Variants in LRRC4B observed in about 807,000 individuals in gnomAD.
LRRC4B encodes leucine rich repeat containing 4B, also known as leucine-rich repeat-containing protein 4B.
In LRRC4B, 1 loss-of-function variant was observed where a neutral mutation model predicts 7.3. That is an observed-to-expected ratio of 0.14 (90% CI 0.05 to 0.65). LRRC4B has a LOEUF of 0.65. Among genes scored for constraint, LRRC4B ranks in the 30% least tolerant of loss-of-function variants. The pLI, the probability that LRRC4B is intolerant of heterozygous loss-of-function variation, is 0.84. For missense variants in LRRC4B, 730 were observed against 1,041.6 expected, an observed-to-expected ratio of 0.70 and a Z score of 4.12; for synonymous variants, 500 against 499.2, an observed-to-expected ratio of 1.00 and a Z score of -0.02.
At chr19:50,520,908 G>A (rs528642257) in intron 2 of LRRC4B, among the ~76,000 whole-genome samples, 1 of 152,322 alleles carries the variant, frequency 6.6e-6, no homozygotes, top group South Asian at 2.1e-4. Context: ...CAAGAGAAAT[G>A]AAGGCAGATG....
chr19:50,551,743 T>G (rs1251800784), intron 1 of LRRC4B, among the ~76,000 whole-genome samples: 2 of 151,458 alleles, frequency 1.3e-5, no homozygotes, highest in African/African-American at 4.9e-5. Context: ...TCAGGTTGTC[T>G]GTCTGTCCGT....
chr19:50,557,318 C>T (rs1982310745), intron 1 of LRRC4B, among the ~76,000 whole-genome samples: 1 of 152,134 alleles, frequency 6.6e-6, no homozygotes, highest in Non-Finnish European at 1.5e-5. Context: ...CTGCCACAGG[C>T]CCCCCAGCCC....
intron 2 of LRRC4B, among the ~76,000 whole-genome samples, chr19:50,527,253 C>T (rs891708727): frequency 1.5e-4 from 22 of 150,990 alleles, no homozygotes; most frequent in African/African-American, 5.1e-4. Flanking sequence ...AGGACGGTCT[C>T]GATCTCCTGA....
At chr19:50,532,197 C>T (rs768411809) in intron 2 of LRRC4B, among the ~76,000 whole-genome samples, 5 of 152,200 alleles carry the variant, frequency 3.3e-5, no homozygotes, top group Non-Finnish European at 5.9e-5. Flanking sequence ...AATTGCACCA[C>T]TGCACTCCAG....
At chr19:50,535,076 G>C (rs531553787) in intron 2 of LRRC4B, among the ~76,000 whole-genome samples, 1 of 152,024 alleles carries the variant, frequency 6.6e-6, no homozygotes, top group Non-Finnish European at 1.5e-5. Flanking sequence ...CACTGTGTTA[G>C]CCAGGATGGT....
Position 50,548,929 on chromosome 19 carries a change from G to GC in LRRC4B, c.-35-57dup, listed in dbSNP as rs1215197422. 9.1e-6 allele frequency: 9 copies of GC among 983,894 alleles called. No individual in the cohort carries two copies. Among genetic ancestry groups the GC allele is most frequent in the African/African-American group, 1.7e-5 (1 of 60,594 alleles). 60.9% of individuals were successfully genotyped at this position (983,894 alleles called of 1,614,324 possible). A position where few individuals can be genotyped will look rare whatever the true frequency, so the allele number is the denominator to read the frequency against. On this transcript the variant is annotated intron_variant, in intron 1 of 2. Coordinates refer to ENST00000652263, the MANE Select transcript of LRRC4B (RefSeq NM_001080457.2). The surrounding 1 kb of genome is among the most constrained non-coding windows in gnomAD (Gnocchi z 6.8). ...TTGGTGAGGGACAGGAGCCCATGTG[G>GC]CCTGGGTGCTTGCCAACACCCAGGC...
At position 50,517,809 on chromosome 19, in the gene LRRC4B, G is replaced by GCGGCGGCCA. The variant is rs755715897; in HGVS notation, c.1895_1903dup (p.Val632_Ala634dup). 1.3e-6 allele frequency: 2 copies of GCGGCGGCCA among 1,551,870 alleles called. No individual in the cohort carries two copies. The highest frequency in any genetic ancestry group is 2.8e-5 in the African/African-American group (2 of 71,694). ...ACCACCCCCACTGGCCACGGCGGCC[G>GCGGCGGCCA]CGGCGGCCACGGACACGGCCGAGGC... On this transcript the variant is annotated inframe_insertion, in exon 3 of 3. Coordinates refer to ENST00000652263, the MANE Select transcript of LRRC4B (RefSeq NM_001080457.2). This position sits in a 1 kb window ranked among gnomAD's most constrained non-coding sequence, Gnocchi z 6.6.
intron 2 of LRRC4B, among the ~76,000 whole-genome samples, chr19:50,544,382 C>G (rs971034417): frequency 2.6e-5 from 4 of 151,820 alleles, no homozygotes; most frequent in African/African-American, 9.7e-5. Flanking sequence ...TGGCGGGCAC[C>G]TGTAGTCCCA....
At chr19:50,549,365 G>A (rs1981956140) in intron 1 of LRRC4B, among the ~76,000 whole-genome samples, 1 of 152,160 alleles carries the variant, frequency 6.6e-6, no homozygotes, top group African/African-American at 2.4e-5. Context: ...TGCCACCTGC[G>A]TGATCACCTG....
At position 50,517,226 on chromosome 19, in the gene LRRC4B, A is replaced by T. The variant is rs1288808244; in HGVS notation, c.*345T>A. 4.8e-6 allele frequency: 1 copy of T among 208,344 alleles called. No individual in the cohort carries two copies. Among genetic ancestry groups the T allele is most frequent in the African/African-American group, 2.3e-5 (1 of 43,714 alleles). The allele number at this position is 208,344 out of a possible 1,614,324, so 12.9% of individuals were successfully genotyped here. On this transcript the variant is annotated 3_prime_UTR_variant, in exon 3 of 3. Coordinates refer to ENST00000652263, the MANE Select transcript of LRRC4B (RefSeq NM_001080457.2). This position sits in a 1 kb window ranked among gnomAD's most constrained non-coding sequence, Gnocchi z 6.6. The stretch of plus-strand genomic sequence containing the variant: ...GAGGGGAAAGGACACCCCTGGAGAA[A>T]GCTCCTCTCTCCCCTGGAAGGCGGC...
intron 1 of LRRC4B, among the ~76,000 whole-genome samples, chr19:50,557,463 G>A (rs898731364): frequency 9.2e-5 from 14 of 152,208 alleles, no homozygotes; most frequent in African/African-American, 3.4e-4. Context: ...CCTCTCTGAT[G>A]ATGCTGCATG....
chr19:50,551,514 C>CG (rs1982065234), intron 1 of LRRC4B, among the ~76,000 whole-genome samples: 1 of 142,680 alleles, frequency 7.0e-6, no homozygotes, highest in Non-Finnish European at 1.5e-5. Flanking sequence ...CTCCACCCAC[C>CG]GACCCCAGCC....
intron 2 of LRRC4B, among the ~76,000 whole-genome samples, chr19:50,529,584 C>T (rs1353052513): frequency 1.3e-5 from 2 of 152,110 alleles, no homozygotes; most frequent in Non-Finnish European, 2.9e-5. Context: ...GCGGGTGGAT[C>T]ACTTGAGGTC....
Position 50,553,457 on chromosome 19 carries a change from C to T in LRRC4B, c.-35-4584G>A, listed in dbSNP as rs1012338153. ...CTGTTTCCAGAACAGGCCGTGCACACCCCGGCCCCAGGGCCTTTGCACCTG... is the reference window on the plus strand; with the variant it reads ...CTGTTTCCAGAACAGGCCGTGCACATCCCGGCCCCAGGGCCTTTGCACCTG... On this transcript the variant is annotated intron_variant, in intron 1 of 2. Coordinates refer to ENST00000652263, the MANE Select transcript of LRRC4B (RefSeq NM_001080457.2). The surrounding 1 kb of genome is among the most constrained non-coding windows in gnomAD (Gnocchi z 4.2). Among the ~76,000 whole-genome samples the T allele has an allele frequency of 1.3e-5, 2 of 152,220 alleles. No individual in the cohort carries two copies. Among genetic ancestry groups the T allele is most frequent in the Non-Finnish European group, 2.9e-5 (2 of 68,040 alleles).
intron 2 of LRRC4B, among the ~76,000 whole-genome samples, chr19:50,528,839 G>A (rs1242078495): frequency 1.3e-5 from 2 of 152,178 alleles, no homozygotes; most frequent in Non-Finnish European, 2.9e-5. Flanking sequence ...GTGGGGCAGG[G>A]AGAATGGCGG....
chr19:50,527,367 T>A (rs1980858046), intron 2 of LRRC4B, among the ~76,000 whole-genome samples: 2 of 99,066 alleles, frequency 2.0e-5, no homozygotes, highest in Non-Finnish European at 4.2e-5. Flanking sequence ...TTTTTTTTTT[T>A]AGTAGAGAGG....
intron 1 of LRRC4B, among the ~76,000 whole-genome samples, chr19:50,552,014 GGGCAGCCGAGGA>G (rs770206704): frequency 3.2e-4 from 49 of 152,152 alleles, no homozygotes; most frequent in Middle Eastern, 6.8e-3. Flanking sequence ...CATTGGTTCT[GGGCAGCCGAGGA>G]GGCAGCCGAG....
chr19:50,538,752 A>G (rs1348717784), intron 2 of LRRC4B, among the ~76,000 whole-genome samples: 2 of 151,534 alleles, frequency 1.3e-5, no homozygotes, highest in Non-Finnish European at 2.9e-5. Context: ...TATTTTTAGT[A>G]GAGATGGGGT....
chr19:50,538,810 C>A (rs1214866641), intron 2 of LRRC4B, among the ~76,000 whole-genome samples: 1 of 151,718 alleles, frequency 6.6e-6, no homozygotes, highest in African/African-American at 2.4e-5. Context: ...CTCAAGCGAT[C>A]CACCTGCCTT....
Sources: gnomAD v4.1 joint callset for allele counts (sites outside exome capture counted in the v4.1 genomes callset) on GRCh38, gnomAD v4.1.1 for gene constraint, Gnocchi (gnomAD v3.1) non-coding constraint, MANE v1.5 for transcripts, NCBI Gene and HGNC (gene_info 2026-07-23, HGNC 2026-07-21) for gene names.